The following MGAT3 variants were observed in gnomAD, a reference collection of about 807,000 sequenced individuals.
MGAT3 encodes the protein beta-1,4-mannosyl-glycoprotein 4-beta-N-acetylglucosaminyltransferase.
In MGAT3, 9 loss-of-function variants were observed where a neutral mutation model predicts 29.8. That is an observed-to-expected ratio of 0.30 (90% confidence interval 0.18 to 0.53). MGAT3 has a LOEUF of 0.53. MGAT3 is among the 20% of genes least tolerant of loss of function. The pLI, the probability that MGAT3 is intolerant of heterozygous loss-of-function variation, is 0.96. For missense variants in MGAT3, 557 were observed against 769.5 expected, an observed-to-expected ratio of 0.72 and a Z score of 3.27; for synonymous variants, 397 against 348.9, an observed-to-expected ratio of 1.14 and a Z score of -1.54.
At chr22:39,464,810 G>C (rs1184383866) in intron 1 of MGAT3, among the ~76,000 whole-genome samples, 1 of 151,634 alleles carries the variant, frequency 6.6e-6, no homozygotes, top group African/African-American at 2.4e-5. Flanking sequence ...GAGTGCAGTG[G>C]CATGATCTCG....
At chr22:39,458,974 G>A (rs1473509984) in intron 1 of MGAT3, among the ~76,000 whole-genome samples, 1 of 152,200 alleles carries the variant, frequency 6.6e-6, no homozygotes, top group Non-Finnish European at 1.5e-5. Flanking sequence ...GGGGGATGCC[G>A]CTGGCTCAGA....
In MGAT3 at chr22:39,478,424, C is replaced by T. The variant is rs568969950; in HGVS notation, c.-1-8923C>T. Among the ~76,000 whole-genome samples, 52 of 152,312 alleles carry T rather than the reference C, an allele frequency of 3.4e-4. No individual in the cohort carries two copies. The East Asian group carries it at 8.5e-3, about 25-fold the overall frequency. ...CCAGTGGCTGTCCCCCAGCTGAAGA[C>T]GCCAGACATCAGGTGTTGAGGGGCA... On this transcript the variant is annotated intron_variant, in intron 1 of 1. Transcript: ENST00000341184.
chr22:39,470,147 C>T (rs1327202209), intron 1 of MGAT3, among the ~76,000 whole-genome samples: 1 of 152,162 alleles, frequency 6.6e-6, no homozygotes, highest in Non-Finnish European at 1.5e-5. Context: ...GTGGCCTCGC[C>T]AGCAGGGTGA....
chr22:39,464,350 T>C (rs1928577611), intron 1 of MGAT3, among the ~76,000 whole-genome samples: 1 of 151,912 alleles, frequency 6.6e-6, no homozygotes, highest in African/African-American at 2.4e-5. Context: ...TGCAGGTGAC[T>C]GGGGATGGGT....
In MGAT3 at chr22:39,457,150, G is replaced by A. The variant is rs1350340426; in HGVS notation, c.-409G>A. On this transcript the variant is annotated 5_prime_UTR_variant, in exon 1 of 2. Transcript: ENST00000341184. The surrounding 1 kb of genome is among the most constrained non-coding windows in gnomAD (Gnocchi z 6.8). Reference sequence around the variant, plus strand: ...GGAGCCCGGCTGGCGGGGGAGGGGAGGGGGTTGCGGAGGGGGCGGGGTGGG... The same window carrying A: ...GGAGCCCGGCTGGCGGGGGAGGGGAAGGGGTTGCGGAGGGGGCGGGGTGGG... Among the ~76,000 whole-genome samples, 3 of 145,994 alleles carry A rather than the reference G, an allele frequency of 2.1e-5. No individual in the cohort carries two copies. Among genetic ancestry groups the A allele is most frequent in the Non-Finnish European group, 4.6e-5 (3 of 65,706 alleles).
intron 1 of MGAT3, among the ~76,000 whole-genome samples, chr22:39,468,167 C>T (rs906431300): frequency 3.9e-5 from 6 of 152,194 alleles, no homozygotes; most frequent in African/African-American, 1.4e-4. Flanking sequence ...TGTGTGCTTG[C>T]TCTGTCAGGA....
intron 1 of MGAT3, among the ~76,000 whole-genome samples, chr22:39,475,631 C>T (rs1235459592): frequency 5.3e-5 from 8 of 152,174 alleles, no homozygotes; most frequent in Non-Finnish European, 7.3e-5. Context: ...TCAGGCTTGG[C>T]GCCCTGGGAT....
At chr22:39,481,423 C>T in intron 1 of MGAT3, among the ~76,000 whole-genome samples, 1 of 152,252 alleles carries the variant, frequency 6.6e-6, no homozygotes, top group Non-Finnish European at 1.5e-5. Flanking sequence ...TTTACGCAGG[C>T]TCCCTACCCT....
At chr22:39,484,303 A>G (rs1929209701) in intron 1 of MGAT3, among the ~76,000 whole-genome samples, 1 of 152,088 alleles carries the variant, frequency 6.6e-6, no homozygotes, top group Non-Finnish European at 1.5e-5. Flanking sequence ...CATGCCAGGA[A>G]CTCTGTGCCC....
chr22:39,457,871 G>A lies in MGAT3; in HGVS notation c.-2+314G>A, dbSNP rs549360926. 6.6e-6 allele frequency among the ~76,000 whole-genome samples: 1 copy of A among 151,632 alleles called. No individual in the cohort carries two copies. Among genetic ancestry groups the A allele is most frequent in the Non-Finnish European group, 1.5e-5 (1 of 67,782 alleles). ...GGCGGGGGACGTCCCCGAGGCGCGG[G>A]GCTCGAGCCGTGCTTTGTGCGCGGC... On this transcript the variant is annotated intron_variant, in intron 1 of 1. Transcript: ENST00000341184. The surrounding 1 kb of genome is among the most constrained non-coding windows in gnomAD (Gnocchi z 6.8).
At chr22:39,477,937 G>A (rs754914854) in intron 1 of MGAT3, among the ~76,000 whole-genome samples, 18 of 152,224 alleles carry the variant, frequency 1.2e-4, no homozygotes, top group African/African-American at 3.4e-4. Flanking sequence ...ACTGAGGCAC[G>A]GGGAGGCAGA....
At chr22:39,484,482 C>T (rs1177012333) in intron 1 of MGAT3, among the ~76,000 whole-genome samples, 2 of 152,038 alleles carry the variant, frequency 1.3e-5, no homozygotes, top group Non-Finnish European at 1.5e-5. Context: ...AAGCGATTCT[C>T]CTGCCTCAGC....
chr22:39,470,086 T>TG (rs1339319638), intron 1 of MGAT3, among the ~76,000 whole-genome samples: 1 of 152,186 alleles, frequency 6.6e-6, no homozygotes, highest in African/African-American at 2.4e-5. Flanking sequence ...GACTTTGTCC[T>TG]GGGGGGTGGG....
intron 1 of MGAT3, among the ~76,000 whole-genome samples, chr22:39,458,935 G>C (rs995201217): frequency 5.9e-5 from 9 of 152,200 alleles, no homozygotes; most frequent in African/African-American, 2.2e-4. Flanking sequence ...ACTTGGTCCT[G>C]AGGACGGCAG....
chr22:39,480,525 G>T (rs1312064996), intron 1 of MGAT3, among the ~76,000 whole-genome samples: 1 of 152,200 alleles, frequency 6.6e-6, no homozygotes, highest in Non-Finnish European at 1.5e-5. Context: ...GCCACAGGGG[G>T]ACCACAGACA....
chr22:39,459,736 C>T (rs991242083), intron 1 of MGAT3, among the ~76,000 whole-genome samples: 3 of 152,216 alleles, frequency 2.0e-5, no homozygotes, highest in Non-Finnish European at 4.4e-5. Flanking sequence ...CCAAAGTGCT[C>T]GGATTCCAGG....
At chr22:39,475,128 CT>C (rs58543840) in intron 1 of MGAT3, among the ~76,000 whole-genome samples, 16,567 of 118,566 alleles carry the variant, frequency 0.14, 1,167 homozygotes, top group Admixed American at 0.23. Flanking sequence ...GCTTGCCAGG[CT>C]TTTTTTTTTT....
intron 1 of MGAT3, among the ~76,000 whole-genome samples, chr22:39,481,718 C>T (rs1029926226): frequency 4.6e-5 from 7 of 152,312 alleles, no homozygotes; most frequent in Admixed American, 4.6e-4. Context: ...CTCAGGACAG[C>T]TTTACCACTG....
At position 39,489,378 on chromosome 22, in the gene MGAT3, C is replaced by T. The variant is rs1601732615; in HGVS notation, c.*429C>T. The T allele has an allele frequency of 1.4e-5, 3 of 213,566 alleles. No individual in the cohort carries two copies. Among genetic ancestry groups the T allele is most frequent in the East Asian group, 1.3e-4 (1 of 7,582 alleles). 13.2% of individuals were successfully genotyped at this position (213,566 alleles called of 1,614,324 possible). ...GGGCCTTGGGCTCCGTGTGGGAGAC[C>T]GGCCTGCCAGGAGGACCCAGGGCTC... On this transcript the variant is annotated 3_prime_UTR_variant, in exon 2 of 2. Coordinates refer to ENST00000341184, the MANE Select transcript of MGAT3 (RefSeq NM_002409.5).
Sources: allele counts gnomAD v4.1 joint callset (sites outside exome capture counted in the v4.1 genomes callset), GRCh38; gene constraint gnomAD v4.1.1; non-coding constraint Gnocchi (gnomAD v3.1); transcripts MANE v1.5; gene names NCBI Gene and HGNC (gene_info 2026-07-23, HGNC 2026-07-21).